Variants in ASB5 observed in about 807,000 individuals in gnomAD.
ASB5 encodes the protein ankyrin repeat and SOCS box protein 5.
In ASB5, 45 loss-of-function variants were observed where a neutral mutation model predicts 42.1. The observed-to-expected ratio is 1.07, with a 90% CI of 0.84 to 1.37. The LOEUF (loss-of-function observed/expected upper bound fraction) is 1.37. Among genes scored for constraint, ASB5 ranks in the 40% most tolerant of loss-of-function variants. ASB5 has a pLI of 0.00. For missense variants in ASB5, 402 were observed against 399.8 expected, an observed-to-expected ratio of 1.01 and a Z score of -0.05; for synonymous variants, 147 against 150.6, an observed-to-expected ratio of 0.98 and a Z score of 0.18.
chr4:176,237,082 A>G (rs1366192344), intron 1 of ASB5, among the ~76,000 whole-genome samples: 1 of 152,236 alleles, frequency 6.6e-6, no homozygotes, highest in East Asian at 1.9e-4. Flanking sequence ...GTTTGCAGTC[A>G]TGTTTAATAT....
intron 1 of ASB5, among the ~76,000 whole-genome samples, chr4:176,258,392 T>C (rs1340613861): frequency 6.6e-6 from 1 of 152,178 alleles, no homozygotes; most frequent in Non-Finnish European, 1.5e-5. Flanking sequence ...CCATATTCTC[T>C]TTTTTTAAGG....
intron 1 of ASB5, among the ~76,000 whole-genome samples, chr4:176,249,847 C>CTT (rs1753990613): frequency 6.6e-6 from 1 of 151,834 alleles, no homozygotes; most frequent in Non-Finnish European, 1.5e-5. Context: ...GGGTGGATCA[C>CTT]GAGGTCAGGA....
At chr4:176,237,369 T>C (rs1753711927) in intron 1 of ASB5, 2 of 985,890 alleles carry the variant, frequency 2.0e-6, no homozygotes, top group Non-Finnish European at 1.2e-6. Context: ...CTTCTTTTCG[T>C]GAGGACCTGC....
At chr4:176,259,189 G>A (rs1754211801) in intron 1 of ASB5, among the ~76,000 whole-genome samples, 1 of 152,124 alleles carries the variant, frequency 6.6e-6, no homozygotes, top group Non-Finnish European at 1.5e-5. Context: ...TTTCCTGGAT[G>A]CAACAGATCT....
chr4:176,225,698 TC>T (rs1233304585), intron 1 of ASB5, among the ~76,000 whole-genome samples: 6 of 152,174 alleles, frequency 3.9e-5, no homozygotes, highest in African/African-American at 1.4e-4. Context: ...CAAGAGATTA[TC>T]CCGCCTCAGT....
At chr4:176,244,935 C>T (rs1415309933) in intron 1 of ASB5, among the ~76,000 whole-genome samples, 1 of 151,970 alleles carries the variant, frequency 6.6e-6, no homozygotes, top group Non-Finnish European at 1.5e-5. Context: ...TGTGCTCTCA[C>T]CTGGGCAACA....
intron 1 of ASB5, chr4:176,237,544 C>T (rs543644676): frequency 1.0e-6 from 1 of 985,678 alleles, no homozygotes; most frequent in South Asian, 4.7e-5. Context: ...ACAAAGGTTC[C>T]TGTGTGCTAA....
At chr4:176,220,205 C>T (rs949731765) in intron 5 of ASB5, among the ~76,000 whole-genome samples, 2 of 151,974 alleles carry the variant, frequency 1.3e-5, no homozygotes, top group African/African-American at 4.8e-5. Flanking sequence ...AGAACATAGC[C>T]AAAAAATAAC....
chr4:176,241,608 C>T, intron 1 of ASB5: 5 of 1,409,830 alleles, frequency 3.5e-6, no homozygotes, highest in Non-Finnish European at 4.6e-6. Flanking sequence ...AGTTCTTGCT[C>T]CATTTTATTT....
chr4:176,247,066 G>A (rs11937826), intron 1 of ASB5, among the ~76,000 whole-genome samples: 21,541 of 151,982 alleles, frequency 0.14, 1,772 homozygotes, highest in Admixed American at 0.2. Flanking sequence ...GGTTGAAAAT[G>A]TAAAAATTTA....
rs935193715 is a variant in ASB5 at position 176,242,324 on chromosome 4, A to C, written c.197-16983T>G. ...TGTTTTCTCTATTATTGTGGTTCAC[A>C]TACTAGAAATATTTCCACCTGTAAT... On this transcript the variant is annotated intron_variant, in intron 1 of 6. Coordinates refer to ENST00000296525, the MANE Select transcript of ASB5 (RefSeq NM_080874.4). Among the ~76,000 whole-genome samples the C allele has an allele frequency of 7.2e-5, 11 of 152,198 alleles. No homozygotes were observed. The East Asian group carries it at 1.9e-3, about 27-fold the overall frequency.
intron 1 of ASB5, among the ~76,000 whole-genome samples, chr4:176,249,224 C>G (rs1753972415): frequency 6.6e-6 from 1 of 152,216 alleles, no homozygotes; most frequent in African/African-American, 2.4e-5. Flanking sequence ...GCCGCAGCCT[C>G]CCAAAGTGTT....
intron 2 of ASB5, among the ~76,000 whole-genome samples, chr4:176,222,870 C>G (rs937997011): frequency 6.6e-6 from 1 of 152,064 alleles, no homozygotes; most frequent in African/African-American, 2.4e-5. Context: ...CTCCGCCTCC[C>G]GGGTTCATGC....
Position 176,215,509 on chromosome 4 carries a change from C to T in ASB5, c.*91G>A. ...TGGGTGATCTCACACTCACTTTTAT[C>T]CTATCTTTAGCATATTTTTATATGA... On this transcript the variant is annotated 3_prime_UTR_variant, in exon 7 of 7. Transcript: ENST00000296525. 7.4e-7 allele frequency: 1 copy of T among 1,349,944 alleles called. No individual in the cohort carries two copies. The highest frequency in any genetic ancestry group is 1.0e-6 in the Non-Finnish European group (1 of 990,128). The allele number at this position is 1,349,944 out of a possible 1,614,324, so 83.6% of individuals were successfully genotyped here.
chr4:176,266,059 T>C (rs1754350030), intron 1 of ASB5, among the ~76,000 whole-genome samples: 1 of 152,156 alleles, frequency 6.6e-6, no homozygotes, highest in African/African-American at 2.4e-5. Flanking sequence ...TTCTCATGGG[T>C]AATCATACCT....
intron 1 of ASB5, among the ~76,000 whole-genome samples, chr4:176,234,659 C>T (rs1270036564): frequency 2.6e-5 from 4 of 152,188 alleles, no homozygotes; most frequent in African/African-American, 7.2e-5. Context: ...CTCAAAGTCA[C>T]ATGATCACAC....
intron 1 of ASB5, among the ~76,000 whole-genome samples, chr4:176,233,198 C>T (rs576069535): frequency 3.2e-4 from 48 of 152,332 alleles, no homozygotes; most frequent in Non-Finnish European, 6.2e-4. Context: ...TTAACTACAT[C>T]TTCTAAACAG....
intron 1 of ASB5, among the ~76,000 whole-genome samples, chr4:176,239,240 C>T (rs1319765007): frequency 2.0e-5 from 3 of 151,942 alleles, no homozygotes; most frequent in African/African-American, 7.3e-5. Context: ...AAGGGGAGTA[C>T]GGTAATCTAC....
chr4:176,248,123 T>A (rs916452534), intron 1 of ASB5, among the ~76,000 whole-genome samples: 1 of 152,178 alleles, frequency 6.6e-6, no homozygotes, highest in Non-Finnish European at 1.5e-5. Context: ...GGCAATTTTT[T>A]ATTTTTTATC....
Sources: gnomAD v4.1 joint callset for allele counts (sites outside exome capture counted in the v4.1 genomes callset) on GRCh38, gnomAD v4.1.1 for gene constraint, MANE v1.5 for transcripts, NCBI Gene and HGNC (gene_info 2026-07-23, HGNC 2026-07-21) for gene names.